Variants in LIMCH1 observed in about 807,000 individuals in gnomAD.
LIMCH1 encodes LIM and calponin homology domains 1.
Under a neutral mutation model 176.5 loss-of-function variants are expected in LIMCH1, and 113 were observed. The ratio of observed to expected loss-of-function variants is 0.64; its 90% CI spans 0.55 to 0.75. The LOEUF is 0.75. Among genes scored for constraint, LIMCH1 ranks in the 30% least tolerant of loss-of-function variants. The pLI is 0.00. For synonymous variants in LIMCH1, 619 were observed against 645.9 expected (o/e 0.96, Z 0.63); for missense variants, 1,674 against 1,814.9 (o/e 0.92, Z 1.41).
chr4:41,469,498 C>T (rs1264621699), intron 1 of LIMCH1, among the ~76,000 whole-genome samples: 1 of 152,134 alleles, frequency 6.6e-6, no homozygotes, highest in Non-Finnish European at 1.5e-5. Flanking sequence ...TGCTTGCAGC[C>T]ATAGGCATTC....
At chr4:41,519,373 A>G (rs1449772105) in intron 2 of LIMCH1, among the ~76,000 whole-genome samples, 2 of 152,204 alleles carry the variant, frequency 1.3e-5, no homozygotes, top group Non-Finnish European at 2.9e-5. Context: ...GCTTACTTGA[A>G]ATGGGTTGCA....
At chr4:41,695,172 A>C (rs1420027441) in intron 31 of LIMCH1, among the ~76,000 whole-genome samples, 1 of 151,674 alleles carries the variant, frequency 6.6e-6, no homozygotes, top group Non-Finnish European at 1.5e-5. Flanking sequence ...TCTGTGATTT[A>C]TTTTCATACA....
intron 1 of LIMCH1, among the ~76,000 whole-genome samples, chr4:41,547,922 A>G (rs1324996014): frequency 1.5e-5 from 2 of 137,922 alleles, no homozygotes; most frequent in Non-Finnish European, 3.1e-5. Flanking sequence ...TACCTAGTGC[A>G]TGGTATGTGC....
At chr4:41,663,311 G>A (rs772947602) in intron 20 of LIMCH1, among the ~76,000 whole-genome samples, 21 of 152,038 alleles carry the variant, frequency 1.4e-4, no homozygotes, top group Non-Finnish European at 2.8e-4. Context: ...CTGCCACCAC[G>A]CCCAGCTAAT....
chr4:41,527,938 T>C (rs2076853550), intron 3 of LIMCH1, among the ~76,000 whole-genome samples: 1 of 151,868 alleles, frequency 6.6e-6, no homozygotes, highest in Admixed American at 6.6e-5. Flanking sequence ...TGATCCTTAG[T>C]TGGGAAAACG....
chr4:41,443,063 A>G (rs1373681636), intron 1 of LIMCH1, among the ~76,000 whole-genome samples: 2 of 152,074 alleles, frequency 1.3e-5, no homozygotes, highest in African/African-American at 4.8e-5. Flanking sequence ...TTAGTTAGAG[A>G]TTTGTTTAAA....
At chr4:41,562,705 G>T (rs1240147345) in intron 1 of LIMCH1, among the ~76,000 whole-genome samples, 1 of 152,090 alleles carries the variant, frequency 6.6e-6, no homozygotes, top group African/African-American at 2.4e-5. Flanking sequence ...AGTTCAGGCT[G>T]GAGTCTGGAA....
At chr4:41,420,212 G>C (rs1212879936) in intron 1 of LIMCH1, among the ~76,000 whole-genome samples, 1 of 152,086 alleles carries the variant, frequency 6.6e-6, no homozygotes, top group Non-Finnish European at 1.5e-5. Context: ...GGGCAGGATG[G>C]TAATACCTAC....
intron 15 of LIMCH1, among the ~76,000 whole-genome samples, chr4:41,645,397 T>C (rs1014551904): frequency 4.6e-5 from 7 of 152,252 alleles, no homozygotes; most frequent in South Asian, 2.1e-4. Flanking sequence ...CCTGGCACCT[T>C]ACGTCTATTT....
intron 1 of LIMCH1, among the ~76,000 whole-genome samples, chr4:41,493,271 T>C (rs1337663314): frequency 6.6e-6 from 1 of 152,078 alleles, no homozygotes; most frequent in Non-Finnish European, 1.5e-5. Flanking sequence ...CCCTCTCCCT[T>C]TTTTGTTGCT....
chr4:41,392,562 T>C (rs1006842835), intron 1 of LIMCH1, among the ~76,000 whole-genome samples: 4 of 152,196 alleles, frequency 2.6e-5, no homozygotes, highest in African/African-American at 9.6e-5. Context: ...TAGTTTTCAT[T>C]TGGAGTCATG....
chr4:41,390,263 A>AGAGAGAGAGAGAGC (rs1282844138), intron 1 of LIMCH1, among the ~76,000 whole-genome samples: 1 of 151,734 alleles, frequency 6.6e-6, no homozygotes. Context: ...AGAGAGAGAG[A>AGAGAGAGAGAGAGC]GAGAGAGAGA....
intron 14 of LIMCH1, among the ~76,000 whole-genome samples, chr4:41,642,076 A>G (rs1011457058): frequency 6.6e-6 from 1 of 152,170 alleles, no homozygotes; most frequent in Non-Finnish European, 1.5e-5. Context: ...GGGGTCCCAG[A>G]AGAAAACCTG....
chr4:41,524,105 A>G (rs2076382515), intron 2 of LIMCH1, among the ~76,000 whole-genome samples: 1 of 152,122 alleles, frequency 6.6e-6, no homozygotes, highest in Non-Finnish European at 1.5e-5. Flanking sequence ...GTTCCAGATA[A>G]TTCCCTCACA....
At position 41,441,423 on chromosome 4, in the gene LIMCH1, G is replaced by A. The variant is rs529568862; in HGVS notation, c.97-53113G>A. 1.6e-4 allele frequency among the ~76,000 whole-genome samples: 24 copies of A among 152,156 alleles called. No homozygotes were observed. The South Asian group carries it at 4.6e-3, about 29-fold the overall frequency. On this transcript the variant is annotated intron_variant, in intron 1 of 26. Transcript: ENST00000313860. ...GTAAAGAAAGGCTTAAAAACTTAGG[G>A]CATTCTCTCTCTTGAGTCGGTCATT...
chr4:41,433,752 G>T (rs944040823), intron 1 of LIMCH1, among the ~76,000 whole-genome samples: 1 of 151,532 alleles, frequency 6.6e-6, no homozygotes, highest in Non-Finnish European at 1.5e-5. Flanking sequence ...GTGGCAGCAT[G>T]TTACTTCCAC....
chr4:41,489,938 G>A (rs1274413021), intron 1 of LIMCH1, among the ~76,000 whole-genome samples: 2 of 152,074 alleles, frequency 1.3e-5, no homozygotes, highest in Non-Finnish European at 2.9e-5. Flanking sequence ...ATTATATACT[G>A]TACTCTTTTA....
intron 1 of LIMCH1, among the ~76,000 whole-genome samples, chr4:41,430,015 A>G (rs959756204): frequency 3.9e-5 from 6 of 152,204 alleles, no homozygotes; most frequent in African/African-American, 1.4e-4. Context: ...GCAGGGAAAC[A>G]CAATCCTATA....
At chr4:41,406,231 G>A (rs955468245) in intron 1 of LIMCH1, among the ~76,000 whole-genome samples, 1 of 152,164 alleles carries the variant, frequency 6.6e-6, no homozygotes, top group Non-Finnish European at 1.5e-5. Flanking sequence ...CCACTTTATA[G>A]ACCTGTTCTG....
Sources: gnomAD v4.1 joint callset for allele counts (sites outside exome capture counted in the v4.1 genomes callset) on GRCh38, gnomAD v4.1.1 for gene constraint, MANE v1.5 for transcripts, NCBI Gene and HGNC (gene_info 2026-07-23, HGNC 2026-07-21) for gene names.